ARHGAP32: variants seen among roughly 807,000 people sequenced by gnomAD.
ARHGAP32 encodes rho GTPase-activating protein 32.
A neutral mutation model predicts 186.5 loss-of-function variants in ARHGAP32; 51 were observed. The ratio of observed to expected loss-of-function variants is 0.27; its 90% CI spans 0.22 to 0.35. ARHGAP32 has a LOEUF of 0.35. Among genes scored for constraint, ARHGAP32 ranks in the 10% least tolerant of loss-of-function variants. ARHGAP32 has a pLI of 1.00. For synonymous variants in ARHGAP32, 950 were observed against 964.3 expected (o/e 0.99, Z 0.27); for missense variants, 2,186 against 2,623.5 (o/e 0.83, Z 3.64).
chr11:129,074,263 T>C (rs931208685), intron 6 of ARHGAP32, among the ~76,000 whole-genome samples: 4 of 79,754 alleles, frequency 5.0e-5, no homozygotes, highest in African/African-American at 2.5e-4. Flanking sequence ...TACTTGACTA[T>C]GTGTGTTTTA....
intron 5 of ARHGAP32, among the ~76,000 whole-genome samples, chr11:129,104,270 T>C (rs536469252): frequency 5.9e-5 from 9 of 152,220 alleles, no homozygotes; most frequent in African/African-American, 2.2e-4. Flanking sequence ...AATAAGTTTA[T>C]AAATCGAAAC....
At chr11:128,971,717 T>C (rs79303453) in intron 22 of ARHGAP32, 10,842 of 152,748 alleles carry the variant, frequency 0.071, 446 homozygotes, top group Non-Finnish European at 0.079. Context: ...ACTGAAAACA[T>C]GCTATCCTTG....
At chr11:128,973,875 C>T (rs1393984532) in intron 21 of ARHGAP32, 15 of 540,608 alleles carry the variant, frequency 2.8e-5, no homozygotes, top group East Asian at 1.5e-4. Context: ...AAATTATCCA[C>T]GAATTCTCAC....
chr11:128,991,633 T>C (rs576285146), intron 12 of ARHGAP32, among the ~76,000 whole-genome samples: 97 of 152,148 alleles, frequency 6.4e-4, no homozygotes, highest in Non-Finnish European at 1.3e-3. Context: ...AGTCAAAATA[T>C]AACATTAGAA....
chr11:129,279,352 C>T (rs1238024516), upstream of ARHGAP32: 1 of 145,098 alleles, frequency 6.9e-6, no homozygotes, highest in African/African-American at 2.5e-5. Flanking sequence ...CTCATCCCGC[C>T]TCGCGCCCCG....
chr11:129,218,051 CTG>C (rs2135602653), intron 1 of ARHGAP32, among the ~76,000 whole-genome samples: 1 of 152,302 alleles, frequency 6.6e-6, no homozygotes, highest in African/African-American at 2.4e-5. Flanking sequence ...GCTCTTGTCA[CTG>C]TGCAGACTCA....
intron 2 of ARHGAP32, among the ~76,000 whole-genome samples, chr11:129,153,214 A>C (rs934917030): frequency 6.6e-6 from 1 of 152,112 alleles, no homozygotes; most frequent in Non-Finnish European, 1.5e-5. Context: ...ACTGCAAAAC[A>C]CTGCTGAAAA....
intron 5 of ARHGAP32, among the ~76,000 whole-genome samples, chr11:129,106,868 C>T (rs904843949): frequency 6.6e-6 from 1 of 152,034 alleles, no homozygotes; most frequent in Non-Finnish European, 1.5e-5. Flanking sequence ...GACCAACTCT[C>T]GCATTATGGA....
At chr11:128,971,796 C>T (rs1591484310) in intron 22 of ARHGAP32, 1 of 152,176 alleles carries the variant, frequency 6.6e-6, no homozygotes, top group Non-Finnish European at 1.5e-5. Flanking sequence ...TTCAAGGTGA[C>T]CATATAGAAG....
At chr11:129,278,770 CTCCGGGAGCGCCGGTG>C (rs1203018974) in intron 1 of ARHGAP32, among the ~76,000 whole-genome samples, 1 of 151,786 alleles carries the variant, frequency 6.6e-6, no homozygotes, top group Non-Finnish European at 1.5e-5. Flanking sequence ...CCCGCGGCTC[CTCCGGGAGCGCCGGTG>C]TCCCTGGAGC....
chr11:129,163,769 C>A (rs1943577274), intron 2 of ARHGAP32, among the ~76,000 whole-genome samples: 1 of 152,132 alleles, frequency 6.6e-6, no homozygotes, highest in South Asian at 2.1e-4. Context: ...AGCCAAAAAT[C>A]CTCCAATGGT....
intron 2 of ARHGAP32, among the ~76,000 whole-genome samples, chr11:129,128,374 C>G (rs1297158993): frequency 6.6e-6 from 1 of 152,112 alleles, no homozygotes; most frequent in Non-Finnish European, 1.5e-5. Context: ...TATTTGACAT[C>G]CACAATCCCC....
intron 1 of ARHGAP32, among the ~76,000 whole-genome samples, chr11:129,216,580 A>C (rs2135600120): frequency 6.6e-6 from 1 of 151,540 alleles, no homozygotes; most frequent in East Asian, 1.9e-4. Context: ...GTAAGGCAGG[A>C]AAATCGCTTG....
intron 11 of ARHGAP32, among the ~76,000 whole-genome samples, chr11:129,027,837 CA>C: frequency 6.6e-6 from 1 of 152,304 alleles, no homozygotes; most frequent in Admixed American, 6.5e-5. Context: ...CACGTGAATA[CA>C]AACACCAAAA....
chr11:129,247,759 T>C (rs1484245610), intron 1 of ARHGAP32, among the ~76,000 whole-genome samples: 1 of 152,084 alleles, frequency 6.6e-6, no homozygotes, highest in Non-Finnish European at 1.5e-5. Context: ...AAAACAGGAA[T>C]AAAATATATG....
chr11:129,095,833 C>T (rs1941713371), intron 5 of ARHGAP32, among the ~76,000 whole-genome samples: 1 of 152,216 alleles, frequency 6.6e-6, no homozygotes, highest in African/African-American at 2.4e-5. Context: ...AACATGTTCT[C>T]CCTCAGTTCA....
chr11:129,113,107 C>A (rs957594455), intron 5 of ARHGAP32, among the ~76,000 whole-genome samples: 6 of 152,116 alleles, frequency 3.9e-5, no homozygotes, highest in Non-Finnish European at 8.8e-5. Context: ...GGGAGCATTT[C>A]CAGCATCACT....
At chr11:129,189,314 ACTCT>A (rs1459495559) in intron 1 of ARHGAP32, among the ~76,000 whole-genome samples, 1 of 151,970 alleles carries the variant, frequency 6.6e-6, no homozygotes, top group Non-Finnish European at 1.5e-5. Flanking sequence ...GGGCTGTGTG[ACTCT>A]CTGAGCCATA....
At chr11:129,039,669 T>A (rs1207773951) in intron 11 of ARHGAP32, among the ~76,000 whole-genome samples, 1 of 152,216 alleles carries the variant, frequency 6.6e-6, no homozygotes, top group Non-Finnish European at 1.5e-5. Flanking sequence ...CACAACCCTG[T>A]TACACAATTT....
Sources: allele counts gnomAD v4.1 joint callset (sites outside exome capture counted in the v4.1 genomes callset), GRCh38; gene constraint gnomAD v4.1.1; transcripts MANE v1.5; gene names NCBI Gene and HGNC (gene_info 2026-07-23, HGNC 2026-07-21).